CASR: variants seen among roughly 807,000 people sequenced by gnomAD.
The protein encoded by CASR is extracellular calcium-sensing receptor.
Under a neutral mutation model 69.1 loss-of-function variants are expected in CASR, and 23 were observed. The ratio of observed to expected loss-of-function variants is 0.33; its 90% CI spans 0.24 to 0.47. The LOEUF is 0.47. Among genes scored for constraint, CASR ranks in the 20% least tolerant of loss-of-function variants. The pLI is 1.00. For synonymous variants in CASR, 541 were observed against 544.7 expected (o/e 0.99, Z 0.10); for missense variants, 924 against 1,356.1 (o/e 0.68, Z 5.00).
At chr3:122,254,739 G>A (rs1422313086) in intron 2 of CASR, among the ~76,000 whole-genome samples, 1 of 152,118 alleles carries the variant, frequency 6.6e-6, no homozygotes, top group Non-Finnish European at 1.5e-5. Flanking sequence ...ATCCCCCATT[G>A]ACCTTACATG....
chr3:122,265,335 C>T (rs941799150), intron 4 of CASR, among the ~76,000 whole-genome samples: 4 of 152,004 alleles, frequency 2.6e-5, no homozygotes, highest in African/African-American at 7.3e-5. Context: ...ACTCATATGC[C>T]TCAAAAGTAG....
chr3:122,199,113 C>T (rs1055389784), intron 1 of CASR, among the ~76,000 whole-genome samples: 1 of 152,098 alleles, frequency 6.6e-6, no homozygotes, highest in African/African-American at 2.4e-5. Flanking sequence ...AAGGGAATTG[C>T]GTCAATATAC....
At chr3:122,198,413 T>C (rs1194604309) in intron 1 of CASR, among the ~76,000 whole-genome samples, 2 of 152,208 alleles carry the variant, frequency 1.3e-5, no homozygotes, top group African/African-American at 4.8e-5. Context: ...AAATATTATG[T>C]TTTTGTGATA....
At chr3:122,235,339 T>C (rs868452673) in intron 1 of CASR, among the ~76,000 whole-genome samples, 11 of 152,334 alleles carry the variant, frequency 7.2e-5, no homozygotes, top group Non-Finnish European at 1.0e-4. Context: ...TATCTATGGT[T>C]AGTGGCCATT....
At chr3:122,188,614 T>C (rs983132230) in intron 1 of CASR, among the ~76,000 whole-genome samples, 1 of 152,124 alleles carries the variant, frequency 6.6e-6, no homozygotes, top group Non-Finnish European at 1.5e-5. Context: ...TCTCTCTCTC[T>C]TTTTCTCTCT....
intron 1 of CASR, among the ~76,000 whole-genome samples, chr3:122,187,462 A>G (rs966128312): frequency 1.3e-5 from 2 of 152,230 alleles, no homozygotes; most frequent in Admixed American, 1.3e-4. Context: ...ATTAAAACTG[A>G]TTACTAGGAC....
At chr3:122,213,794 A>C (rs747274654) in intron 1 of CASR, among the ~76,000 whole-genome samples, 29 of 152,238 alleles carry the variant, frequency 1.9e-4, no homozygotes, top group Non-Finnish European at 3.7e-4. Flanking sequence ...TTCAGTGACC[A>C]TGGCAAAGAG....
rs1051088033 is a variant in CASR, at chr3:122,287,040, A to G, written c.*1849A>G. On this transcript the variant is annotated 3_prime_UTR_variant, in exon 7 of 7. Coordinates refer to ENST00000639785, the MANE Select transcript of CASR (RefSeq NM_000388.4). ...TGCCTGCTCCCCACCTAGGAAGGGC[A>G]CCGGCCCCCACCCAGCCTGCGCCCC... 1.1e-4 allele frequency: 17 copies of G among 152,230 alleles called. No individual in the cohort carries two copies. Among genetic ancestry groups the G allele is most frequent in the African/African-American group, 3.6e-4 (15 of 41,452 alleles). 9.4% of individuals were successfully genotyped at this position (152,230 alleles called of 1,614,324 possible).
chr3:122,266,549 G>A (rs2074696930), intron 4 of CASR, among the ~76,000 whole-genome samples: 1 of 151,582 alleles, frequency 6.6e-6, no homozygotes, highest in South Asian at 2.1e-4. Flanking sequence ...CCTATGTTTG[G>A]ATCTTTCTAC....
chr3:122,279,933 T>G (rs2074867688), intron 5 of CASR, among the ~76,000 whole-genome samples: 2 of 152,126 alleles, frequency 1.3e-5, no homozygotes, highest in Admixed American at 1.3e-4. Flanking sequence ...CACTAGCTCT[T>G]TTCCCTAATG....
At chr3:122,233,196 C>T (rs2074296136) in intron 1 of CASR, among the ~76,000 whole-genome samples, 1 of 152,180 alleles carries the variant, frequency 6.6e-6, no homozygotes, top group Non-Finnish European at 1.5e-5. Flanking sequence ...CCCAAAATCG[C>T]CTACCACAAA....
rs1239677065 is a variant in CASR at position 122,285,171 on chromosome 3, G to A, written c.3217G>A (p.Glu1073Lys). The change falls in exon 7 of 7, where the codon GAA (glutamate) becomes AAA (lysine). Residue 1073 changes from glutamate to lysine, a missense_variant. By Grantham distance (56) the Glu-to-Lys change is moderately conservative. Coordinates refer to ENST00000639785, the MANE Select transcript of CASR (RefSeq NM_000388.4). Reference sequence around the variant, plus strand: ...CAGTGGTGGAGGCAGCACTGTTACAGAAAACGTAGTGAATTCATAAAATGG... The same window carrying A: ...CAGTGGTGGAGGCAGCACTGTTACAAAAAACGTAGTGAATTCATAAAATGG... ...VISGGGSTVT[E>K]NVVNS The A allele has an allele frequency of 6.2e-7, 1 of 1,614,114 alleles. No individual in the cohort carries two copies. The highest frequency in any genetic ancestry group is 1.1e-5 in the South Asian group (1 of 91,074).
chr3:122,235,609 A>G (rs1559947757), intron 1 of CASR, among the ~76,000 whole-genome samples: 1 of 152,198 alleles, frequency 6.6e-6, no homozygotes, highest in Non-Finnish European at 1.5e-5. Context: ...AATCCTGGGC[A>G]ATACAGCAAG....
At chr3:122,220,137 T>C (rs2074156203) in intron 1 of CASR, among the ~76,000 whole-genome samples, 1 of 152,196 alleles carries the variant, frequency 6.6e-6, no homozygotes, top group Non-Finnish European at 1.5e-5. Context: ...ATCTCCATTT[T>C]TTAAAAAGAG....
chr3:122,236,469 A>G (rs1264455654), intron 1 of CASR, among the ~76,000 whole-genome samples: 1 of 152,230 alleles, frequency 6.6e-6, no homozygotes, highest in East Asian at 1.9e-4. Context: ...CAAAATTCAT[A>G]ATGAATTTAG....
chr3:122,271,362 C>A (rs2074755282), intron 4 of CASR, among the ~76,000 whole-genome samples: 1 of 152,162 alleles, frequency 6.6e-6, no homozygotes, highest in African/African-American at 2.4e-5. Context: ...TTCCAGAGTG[C>A]TTCCTTCTCC....
At chr3:122,248,187 A>G (rs2074446547) in intron 1 of CASR, among the ~76,000 whole-genome samples, 1 of 152,168 alleles carries the variant, frequency 6.6e-6, no homozygotes, top group South Asian at 2.1e-4. Context: ...TTGCTTTGGT[A>G]CAGAAGGAAT....
chr3:122,221,434 G>C (rs1322060288), intron 1 of CASR, among the ~76,000 whole-genome samples: 1 of 152,094 alleles, frequency 6.6e-6, no homozygotes, highest in East Asian at 1.9e-4. Flanking sequence ...GCTCACAGTG[G>C]GGCAGAGTAG....
intron 1 of CASR, among the ~76,000 whole-genome samples, chr3:122,200,989 C>CTTTTGTTTTTT (rs1356688507): frequency 1.0e-4 from 8 of 76,724 alleles, no homozygotes; most frequent in Non-Finnish European, 1.9e-4. Flanking sequence ...TTGCCCATTG[C>CTTTTGTTTTTT]TTTTCTTTTT....
Sources: allele counts gnomAD v4.1 joint callset (sites outside exome capture counted in the v4.1 genomes callset), GRCh38; gene constraint gnomAD v4.1.1; transcripts MANE v1.5; gene names NCBI Gene and HGNC (gene_info 2026-07-23, HGNC 2026-07-21).